Variants in NOMO1 observed in about 807,000 individuals in gnomAD.
The protein encoded by NOMO1 is nodal modulator 3.
Under a neutral mutation model 133.8 loss-of-function variants are expected in NOMO1, and 40 were observed. The ratio of observed to expected loss-of-function variants is 0.30; its 90% CI spans 0.23 to 0.39. NOMO1 has a LOEUF of 0.39. NOMO1 is among the 10% of genes least tolerant of loss of function. NOMO1 has a pLI of 1.00. For missense variants in NOMO1, 462 were observed against 1,419.9 expected (o/e 0.33, Z 10.84); for synonymous variants, 236 against 570.5 (o/e 0.41, Z 8.36).
At position 14,860,964 on chromosome 16, in the gene NOMO1, C is replaced by T. The variant is rs776925767; in HGVS notation, c.1221-2049C>T. ...CCGCCTCTCGGGTTCAAGTGATTCT[C>T]CTGCCCCAGCCTCCTGAGTAGCTGG... On this transcript the variant is annotated intron_variant, in intron 11 of 30. Coordinates refer to ENST00000287667, the MANE Select transcript of NOMO1 (RefSeq NM_014287.4). 3.6e-3 allele frequency among the ~76,000 whole-genome samples: 525 copies of T among 147,048 alleles called. 2 individuals are homozygous for T. Among genetic ancestry groups the T allele is most frequent in the Middle Eastern group, 0.017 (5 of 294 alleles).
intron 5 of NOMO1, among the ~76,000 whole-genome samples, chr16:14,847,909 A>AT (rs1344230707): frequency 6.6e-6 from 1 of 151,572 alleles, no homozygotes; most frequent in Non-Finnish European, 1.5e-5. Flanking sequence ...TGAAGCTGTA[A>AT]TTTTTTTTCT....
chr16:14,878,554 C>T (rs1210461443), intron 22 of NOMO1, among the ~76,000 whole-genome samples, 167 bp from the exon 23 acceptor site: 33 of 126,694 alleles, frequency 2.6e-4, no homozygotes, highest in Non-Finnish European at 4.5e-4. Context: ...ACTTACAAAA[C>T]TTACAACAGT....
chr16:14,877,586 A>G (rs1366303135), intron 22 of NOMO1, among the ~76,000 whole-genome samples: 1 of 152,146 alleles, frequency 6.6e-6, no homozygotes, highest in African/African-American at 2.4e-5. Flanking sequence ...ACAACCCGCT[A>G]GAAAAAAAAT....
At chr16:14,857,476 T>A (rs752566274) in intron 10 of NOMO1, 29 bp from the exon 11 acceptor site, 44 of 1,608,150 alleles carry the variant, frequency 2.7e-5, no homozygotes, top group Non-Finnish European at 3.6e-5. Context: ...TTTTGGCTTA[T>A]CTTCTGTTTG....
rs573265630 is a variant in NOMO1 at position 14,883,997 on chromosome 16, C to T, written c.3112-375C>T. 8.7e-5 allele frequency among the ~76,000 whole-genome samples: 13 copies of T among 149,500 alleles called. 1 individual carries two copies. In the East Asian group the frequency reaches 2.4e-3, roughly 27 times the overall value. On this transcript the variant is annotated intron_variant, in intron 26 of 30. Transcript: ENST00000287667. Reference sequence around the variant, plus strand: ...ACGTAGAAAAAAAATACTGTGCTTTCGAAATGAAATGTGTCTATGGGCCAG... The same window carrying T: ...ACGTAGAAAAAAAATACTGTGCTTTTGAAATGAAATGTGTCTATGGGCCAG...
Position 14,872,301 on chromosome 16 carries a change from A to G in NOMO1, c.2026A>G (p.Lys676Glu). Residue 676 changes from lysine (K) to glutamate (E), a missense_variant, in exon 18 of 31, where the codon AAA becomes GAA. Lys to Glu is a moderately conservative substitution (Grantham distance 56). Coordinates refer to ENST00000287667, the MANE Select transcript of NOMO1 (RefSeq NM_014287.4). ...TGTCCTTGGAACTATCACCACCGAC[A>G]AAATGATGGATGTCACTGTGACTAT... ...HHVLGTITTD[K>E]MMDVTVTIKS... 2 of 908,094 alleles carry G rather than the reference A, an allele frequency of 2.2e-6. No individual in the cohort carries two copies. Among genetic ancestry groups the G allele is most frequent in the Non-Finnish European group, 3.5e-6 (2 of 569,652 alleles). The allele number at this position is 908,094 out of a possible 1,614,324, so 56.3% of individuals were successfully genotyped here. A position where few individuals can be genotyped will look rare whatever the true frequency, so the allele number is the denominator to read the frequency against.
intron 3 of NOMO1, among the ~76,000 whole-genome samples, chr16:14,843,292 C>T (rs2606854): frequency 0.59 from 82,624 of 138,942 alleles, 27,577 homozygotes; most frequent in Non-Finnish European, 0.73. Flanking sequence ...AGTTGCTTAC[C>T]GATTTTGGCC....
At chr16:14,836,754 A>G (rs1296846535) in intron 1 of NOMO1, among the ~76,000 whole-genome samples, 1,768 of 136,978 alleles carry the variant, frequency 0.013, 1 homozygote, top group African/African-American at 0.047. Context: ...GCCGGACTGC[A>G]GACTGCAGTG....
chr16:14,849,974 A>G (rs1480531558), intron 6 of NOMO1, among the ~76,000 whole-genome samples: 1 of 143,146 alleles, frequency 7.0e-6, no homozygotes, highest in African/African-American at 2.7e-5. Flanking sequence ...TTCATGGCTC[A>G]TTGCAGCCTC....
At chr16:14,868,932 A>AT (rs1156318038) in intron 16 of NOMO1, among the ~76,000 whole-genome samples, 2 of 142,520 alleles carry the variant, frequency 1.4e-5, no homozygotes, top group Middle Eastern at 3.6e-3. Context: ...GCTCTTTCTC[A>AT]TTTTTTTTTC....
In NOMO1 at chr16:14,852,380, A is replaced by G. The variant is rs375984641; in HGVS notation, c.583-50A>G. 350 of 1,556,044 alleles carry G rather than the reference A, an allele frequency of 2.2e-4. 3 individuals carry two copies. In the East Asian group the frequency reaches 3.7e-3, roughly 16 times the overall value. ...TCAGCATGTCCTCATGTTGTTAGGC[A>G]CTTTGCAAGTGTTTATTTTTTTACA... On this transcript the variant is annotated intron_variant, in intron 6 of 30. Transcript: ENST00000287667.
chr16:14,856,428 T>A (rs532737903), intron 9 of NOMO1, among the ~76,000 whole-genome samples: 1 of 151,412 alleles, frequency 6.6e-6, no homozygotes, highest in Admixed American at 6.6e-5. Context: ...GTGGATTTCT[T>A]TTTTTTTCTT....
intron 2 of NOMO1, among the ~76,000 whole-genome samples, chr16:14,840,970 T>G (rs1385109172): frequency 6.6e-6 from 1 of 151,716 alleles, no homozygotes; most frequent in Non-Finnish European, 1.5e-5. Flanking sequence ...CCTGGCCAAA[T>G]CTAGTTTTAG....
rs780670623 is a variant in NOMO1 at position 14,853,545 on chromosome 16, G to A, written c.814G>A (p.Val272Ile). The change falls in exon 8 of 31, where the codon GTC becomes ATC. Residue 272 changes from valine to isoleucine, a missense_variant. Val to Ile is a conservative substitution (Grantham distance 29). Transcript: ENST00000287667. ...DESLVYLCYTVSREDGSFSFY... is the reference protein window; with the variant it reads ...DESLVYLCYTISREDGSFSFY... ...GAGTCTGGTGTATTTGTGCTACACG[G>A]TCTCCAGAGAAGATGGCTCGTTCTC... 6 of 1,608,234 alleles carry A rather than the reference G, an allele frequency of 3.7e-6. No homozygotes were observed. The highest frequency in any genetic ancestry group is 3.4e-5 in the Admixed American group (2 of 59,600).
chr16:14,886,300 CAG>C (rs1181954607), intron 27 of NOMO1, among the ~76,000 whole-genome samples: 1 of 139,158 alleles, frequency 7.2e-6, no homozygotes, highest in African/African-American at 2.8e-5. Flanking sequence ...CAGGAGTCGT[CAG>C]GGGGTTGAGT....
chr16:14,838,906 A>T (rs1325644454), intron 2 of NOMO1, among the ~76,000 whole-genome samples: 1 of 151,508 alleles, frequency 6.6e-6, no homozygotes, highest in Non-Finnish European at 1.5e-5. Flanking sequence ...AAACAATTGT[A>T]CAAGTAATAC....
At chr16:14,871,306 C>T (rs1177502439) in intron 16 of NOMO1, among the ~76,000 whole-genome samples, 1 of 151,290 alleles carries the variant, frequency 6.6e-6, no homozygotes, top group Non-Finnish European at 1.5e-5. Flanking sequence ...GCAGTAGAAA[C>T]GTACTTTCTG....
chr16:14,889,500 C>G (rs1303086566), intron 29 of NOMO1, among the ~76,000 whole-genome samples: 2 of 152,016 alleles, frequency 1.3e-5, no homozygotes, highest in Non-Finnish European at 2.9e-5. Flanking sequence ...CCCCTGCACT[C>G]CAGCTTGGGT....
chr16:14,876,763 C>T lies in NOMO1; in HGVS notation c.2616C>T (p.Ala872=), dbSNP rs745988135. The T allele has an allele frequency of 3.1e-6, 5 of 1,610,714 alleles. No individual in the cohort carries two copies. Among genetic ancestry groups the T allele is most frequent in the Non-Finnish European group, 4.2e-6 (5 of 1,179,698 alleles). Residue 872 remains alanine, a synonymous_variant, in exon 22 of 31, where the codon GCC becomes GCT. Transcript: ENST00000287667. ...AVEGTIGDFK[A]YALAGVSFEI... ...AAGGAACCATCGGAGACTTCAAGGC[C>T]TATGCCCTGGCAGGCGTAAGCTTTG... is the stretch of plus-strand genomic sequence containing the variant.
Sources: gnomAD v4.1 joint callset for allele counts (sites outside exome capture counted in the v4.1 genomes callset) on GRCh38, gnomAD v4.1.1 for gene constraint, MANE v1.5 for transcripts, NCBI Gene and HGNC (gene_info 2026-07-23, HGNC 2026-07-21) for gene names.